Variants in DLG2 observed in about 807,000 individuals in gnomAD.
The protein encoded by DLG2 is disks large homolog 2.
Under a neutral mutation model 132.5 loss-of-function variants are expected in DLG2, and 45 were observed. The observed-to-expected ratio is 0.34, with a 90% CI of 0.27 to 0.44. The LOEUF (loss-of-function observed/expected upper bound fraction) is 0.44. Among genes scored for constraint, DLG2 ranks in the 20% least tolerant of loss-of-function variants. The pLI is 1.00. For synonymous variants in DLG2, 424 were observed against 419.6 expected (o/e 1.01, Z -0.13); for missense variants, 1,045 against 1,196.9 (o/e 0.87, Z 1.87).
intron 3 of DLG2, among the ~76,000 whole-genome samples, chr11:85,408,528 C>T (rs1232714866): frequency 6.9e-6 from 1 of 145,310 alleles, no homozygotes; most frequent in African/African-American, 2.5e-5. Flanking sequence ...GTATATCTCC[C>T]AATGCTATCC....
At chr11:83,682,543 T>A in intron 18 of DLG2, 1 of 757,578 alleles carries the variant, frequency 1.3e-6, no homozygotes, top group Non-Finnish European at 1.6e-6. Context: ...CCCCTACACC[T>A]TGTTAAGGTG....
Position 85,341,589 on chromosome 11 carries a change from C to T in DLG2, c.41-56224G>A, listed in dbSNP as rs561407017. ...ATAGTTGGCATCTGTACCTTAGTCC[C>T]GATCTTAGTAAAACTGCCACTAGTG... is the stretch of plus-strand genomic sequence containing the variant. On this transcript the variant is annotated intron_variant, in intron 3 of 27. Coordinates refer to ENST00000376104, the MANE Select transcript of DLG2 (RefSeq NM_001142699.3). 9.2e-5 allele frequency among the ~76,000 whole-genome samples: 14 copies of T among 152,216 alleles called. No homozygotes were observed. In the East Asian group the frequency reaches 9.6e-4, roughly 10 times the overall value.
chr11:84,502,412 TTCTA>T (rs2099222243), intron 7 of DLG2, among the ~76,000 whole-genome samples: 2 of 115,532 alleles, frequency 1.7e-5, no homozygotes, highest in East Asian at 2.3e-4. Flanking sequence ...CTTTCTTTCT[TTCTA>T]TACAGAGTCT....
chr11:84,720,274 A>G, intron 6 of DLG2: 3 of 985,480 alleles, frequency 3.0e-6, no homozygotes, highest in Non-Finnish European at 3.6e-6. Flanking sequence ...CATGCATTAA[A>G]AAGACATGAA....
At chr11:84,024,814 CTT>C (rs764318252) in intron 11 of DLG2, among the ~76,000 whole-genome samples, 12 of 135,682 alleles carry the variant, frequency 8.8e-5, no homozygotes, top group Non-Finnish European at 4.8e-5. Context: ...TATATTTTTT[CTT>C]TTTTTTTTTT....
chr11:84,206,989 T>C (rs1001782892), intron 8 of DLG2, among the ~76,000 whole-genome samples: 9 of 151,796 alleles, frequency 5.9e-5, no homozygotes, highest in African/African-American at 1.5e-4. Context: ...CAACCAACTG[T>C]TGGAAAATTA....
At chr11:84,154,654 C>T (rs2095388088) in intron 9 of DLG2, among the ~76,000 whole-genome samples, 2 of 152,142 alleles carry the variant, frequency 1.3e-5, no homozygotes, top group African/African-American at 2.4e-5. Context: ...CCCCCTTCCC[C>T]CACCCCACGA....
chr11:85,208,511 T>C (rs942951216), intron 4 of DLG2, among the ~76,000 whole-genome samples: 2 of 152,100 alleles, frequency 1.3e-5, no homozygotes, highest in Admixed American at 6.6e-5. Flanking sequence ...CTATTGTAAC[T>C]AAGCATTTTA....
chr11:84,304,047 T>C (rs1247727858), intron 7 of DLG2, among the ~76,000 whole-genome samples: 2 of 152,222 alleles, frequency 1.3e-5, no homozygotes, highest in East Asian at 1.9e-4. Context: ...CAGAAACATA[T>C]TGAAAAGTAT....
chr11:85,266,825 T>C (rs2077241849), intron 4 of DLG2, among the ~76,000 whole-genome samples: 1 of 152,206 alleles, frequency 6.6e-6, no homozygotes, highest in African/African-American at 2.4e-5. Context: ...AAGAAACATT[T>C]GCTTCACAAG....
chr11:83,993,666 C>T (rs981628075), intron 11 of DLG2, among the ~76,000 whole-genome samples: 1 of 152,236 alleles, frequency 6.6e-6, no homozygotes, highest in African/African-American at 2.4e-5. Context: ...GGAATATCCT[C>T]CAAGCTTCCA....
At chr11:83,896,910 C>A (rs542636255) in intron 15 of DLG2, among the ~76,000 whole-genome samples, 4 of 151,794 alleles carry the variant, frequency 2.6e-5, no homozygotes, top group Non-Finnish European at 5.9e-5. Flanking sequence ...AACTACAGTA[C>A]AAGATTTTTT....
chr11:85,132,827 G>A, intron 5 of DLG2: 1 of 456,638 alleles, frequency 2.2e-6, no homozygotes, highest in South Asian at 1.5e-5. Flanking sequence ...CTCAGTACAT[G>A]GAAATCACAC....
intron 6 of DLG2, among the ~76,000 whole-genome samples, chr11:84,668,658 G>C (rs543582904): frequency 7.2e-5 from 11 of 152,040 alleles, no homozygotes; most frequent in Non-Finnish European, 1.6e-4. Context: ...TTCATCCCTC[G>C]TGGTTTCTAG....
chr11:84,241,612 C>A (rs77949879), intron 8 of DLG2, among the ~76,000 whole-genome samples: 20 of 151,880 alleles, frequency 1.3e-4, no homozygotes, highest in Middle Eastern at 3.4e-3. Flanking sequence ...AAAAAAAAAA[C>A]CCACCAGGAT....
At chr11:84,861,510 G>C (rs1487778127) in intron 6 of DLG2, among the ~76,000 whole-genome samples, 1 of 149,382 alleles carries the variant, frequency 6.7e-6, no homozygotes, top group Non-Finnish European at 1.5e-5. Context: ...TATTGCCTAA[G>C]TTTTCTTCTA....
intron 9 of DLG2, among the ~76,000 whole-genome samples, chr11:84,126,084 G>A (rs2094157998): frequency 6.6e-6 from 1 of 152,060 alleles, no homozygotes; most frequent in African/African-American, 2.4e-5. Context: ...TAAACAACAT[G>A]GAGGTCATTG....
chr11:85,006,493 C>A (rs1393321769), intron 6 of DLG2, among the ~76,000 whole-genome samples: 2 of 152,014 alleles, frequency 1.3e-5, no homozygotes, highest in Non-Finnish European at 2.9e-5. Context: ...ATTTCTTCTA[C>A]ATTTTCTAGT....
intron 7 of DLG2, among the ~76,000 whole-genome samples, chr11:84,283,490 A>G (rs2097875028): frequency 6.6e-6 from 1 of 152,332 alleles, no homozygotes; most frequent in East Asian, 1.9e-4. Context: ...TGATTTATTT[A>G]ACAAGTAAGA....
Sources: allele counts gnomAD v4.1 joint callset (sites outside exome capture counted in the v4.1 genomes callset), GRCh38; gene constraint gnomAD v4.1.1; transcripts MANE v1.5; gene names NCBI Gene and HGNC (gene_info 2026-07-23, HGNC 2026-07-21).